The following CFH variants were observed in gnomAD, a reference collection of about 807,000 sequenced individuals.
The protein encoded by CFH is H factor 1 (complement).
In CFH, 53 loss-of-function variants were observed where a neutral mutation model predicts 147.3. That is an observed-to-expected ratio of 0.36 (90% CI 0.29 to 0.45). The LOEUF is 0.45. Ranked by LOEUF, CFH falls within the 20% of genes least tolerant of loss-of-function variation. CFH has a pLI of 1.00. For missense variants in CFH, 1,380 were observed against 1,498.0 expected, an observed-to-expected ratio of 0.92 and a Z score of 1.30; for synonymous variants, 536 against 489.4, an observed-to-expected ratio of 1.10 and a Z score of -1.26.
intron 12 of CFH, 133 bp from the exon 13 acceptor site, chr1:196,726,336 AT>A (rs1345276492): frequency 5.8e-6 from 4 of 693,710 alleles, no homozygotes; most frequent in Non-Finnish European, 7.4e-6. Flanking sequence ...ACCATTCTTG[AT>A]TGTTTAGGAT....
intron 1 of CFH, among the ~76,000 whole-genome samples, chr1:196,657,669 T>C (rs940615565): frequency 6.6e-6 from 1 of 152,226 alleles, no homozygotes; most frequent in African/African-American, 2.4e-5. Flanking sequence ...AAATACCTAT[T>C]TTTGCTATTT....
intron 15 of CFH, among the ~76,000 whole-genome samples, chr1:196,733,099 T>C (rs1399263960): frequency 6.6e-6 from 1 of 152,022 alleles, no homozygotes; most frequent in African/African-American, 2.4e-5. Flanking sequence ...TTTGAATGCA[T>C]GGCTAAACTT....
chr1:196,697,901 A>T (rs1668330337), intron 9 of CFH, among the ~76,000 whole-genome samples: 1 of 150,874 alleles, frequency 6.6e-6, no homozygotes, highest in South Asian at 2.1e-4. Flanking sequence ...AACTATGGCA[A>T]TGACAAAAAA....
chr1:196,747,022 C>A (rs1653033442), intron 21 of CFH, 89 bp from the exon 22 acceptor site: 2 of 1,572,178 alleles, frequency 1.3e-6, no homozygotes, highest in African/African-American at 2.8e-5. Context: ...ATTCCTGAAC[C>A]ATCATATAAC....
chr1:196,681,742 C>A (rs921752789), intron 6 of CFH, among the ~76,000 whole-genome samples: 6 of 151,688 alleles, frequency 4.0e-5, no homozygotes, highest in Non-Finnish European at 8.9e-5. Flanking sequence ...TCTCTCACCA[C>A]GTTTTATTTT....
chr1:196,672,110 A>G (rs1246856167), intron 1 of CFH, among the ~76,000 whole-genome samples: 1 of 152,058 alleles, frequency 6.6e-6, no homozygotes, highest in South Asian at 2.1e-4. Context: ...ACTCTAGCAA[A>G]GCAACCTGAT....
At chr1:196,669,164 T>G (rs1041930668) in intron 1 of CFH, among the ~76,000 whole-genome samples, 1 of 152,204 alleles carries the variant, frequency 6.6e-6, no homozygotes, top group South Asian at 2.1e-4. Flanking sequence ...CCTAGAGATC[T>G]GTGGAACTTT....
At chr1:196,733,787 T>C (rs1252126035) in intron 15 of CFH, among the ~76,000 whole-genome samples, 1 of 152,016 alleles carries the variant, frequency 6.6e-6, no homozygotes, top group Non-Finnish European at 1.5e-5. Flanking sequence ...ATCACTGGGG[T>C]GAGCCACGGG....
At chr1:196,712,730 A>T (rs935018230) in intron 9 of CFH, among the ~76,000 whole-genome samples, 10 of 150,480 alleles carry the variant, frequency 6.6e-5, no homozygotes, top group African/African-American at 2.4e-4. Flanking sequence ...CTCGTCATTT[A>T]GCATTACGTA....
At chr1:196,683,128 A>T (rs1476556763) in intron 6 of CFH, among the ~76,000 whole-genome samples, 1 of 151,380 alleles carries the variant, frequency 6.6e-6, no homozygotes, top group East Asian at 1.9e-4. Flanking sequence ...GAAGCAAAAA[A>T]TATAAAGTAA....
chr1:196,679,968 C>G (rs886761323), intron 6 of CFH, among the ~76,000 whole-genome samples, 175 bp downstream of exon 6: 2 of 151,706 alleles, frequency 1.3e-5, no homozygotes, highest in African/African-American at 2.4e-5. Flanking sequence ...ACACTTCGTA[C>G]GATACACACA....
intron 15 of CFH, among the ~76,000 whole-genome samples, chr1:196,730,895 C>T (rs1669266002): frequency 1.3e-5 from 2 of 151,848 alleles, no homozygotes; most frequent in South Asian, 4.1e-4. Context: ...AGTATAACTA[C>T]CCCTGTTCTC....
intron 9 of CFH, among the ~76,000 whole-genome samples, chr1:196,710,943 T>C (rs922526105): frequency 6.6e-6 from 1 of 152,106 alleles, no homozygotes; most frequent in African/African-American, 2.4e-5. Context: ...GCTTCAGTAA[T>C]TTTTTAATTC....
At chr1:196,686,769 A>C (rs890482217) in intron 7 of CFH, among the ~76,000 whole-genome samples, 3 of 152,118 alleles carry the variant, frequency 2.0e-5, no homozygotes, top group African/African-American at 7.2e-5. Context: ...ACTGAGACCC[A>C]ACTATATTTG....
At chr1:196,710,365 G>A (rs1668698320) in intron 9 of CFH, among the ~76,000 whole-genome samples, 1 of 152,116 alleles carries the variant, frequency 6.6e-6, no homozygotes, top group Non-Finnish European at 1.5e-5. Flanking sequence ...ATGTGAACCT[G>A]ATAGTCTTAT....
At chr1:196,715,823 C>A in intron 11 of CFH, 54 bp downstream of exon 11, 3 of 1,492,936 alleles carry the variant, frequency 2.0e-6, no homozygotes, top group South Asian at 1.2e-5. Context: ...AATCTGTTTT[C>A]CAATTTTAAA....
At chr1:196,666,949 T>C (rs1166335244) in intron 1 of CFH, among the ~76,000 whole-genome samples, 1 of 152,152 alleles carries the variant, frequency 6.6e-6, no homozygotes, top group Non-Finnish European at 1.5e-5. Flanking sequence ...TTGCTTGGAA[T>C]GAATATGCAT....
At chr1:196,722,381 T>C (rs1414152075) in intron 11 of CFH, among the ~76,000 whole-genome samples, 3 of 152,264 alleles carry the variant, frequency 2.0e-5, no homozygotes, top group African/African-American at 7.2e-5. Context: ...AAATATGAAC[T>C]AATCTTTCTT....
Position 196,685,363 on chromosome 1 carries a change from C to T in CFH, c.964+126C>T, listed in dbSNP as rs998067138. 3 of 1,012,786 alleles carry T rather than the reference C, an allele frequency of 3.0e-6. No homozygotes were observed. In the Admixed American group the frequency reaches 6.2e-5, roughly 21 times the overall value. 62.7% of individuals were successfully genotyped at this position (1,012,786 alleles called of 1,614,324 possible). A position where few individuals can be genotyped will look rare whatever the true frequency, so the allele number is the denominator to read the frequency against. On this transcript the variant is annotated intron_variant, in intron 7 of 21. Transcript: ENST00000367429. ...ATATACAAAGTAAGGCTGTTGGAAG[C>T]ATTCTTTAGTTTTCGAAGTTGCCGA...
Sources: allele counts gnomAD v4.1 joint callset (sites outside exome capture counted in the v4.1 genomes callset), GRCh38; gene constraint gnomAD v4.1.1; transcripts MANE v1.5; gene names NCBI Gene and HGNC (gene_info 2026-07-23, HGNC 2026-07-21).